RARS1: variants seen among roughly 807,000 people sequenced by gnomAD.
The protein encoded by RARS1 is arginyl-tRNA synthetase 1, also known as arginine--tRNA ligase, cytoplasmic.
RARS1 carries 75 observed loss-of-function variants against 78.7 expected under a neutral mutation model. That is an observed-to-expected ratio of 0.95 (90% confidence interval 0.79 to 1.15). The LOEUF is 1.15. Among genes scored for constraint, RARS1 ranks in the 50% most tolerant of loss-of-function variants. The probability of loss-of-function intolerance (pLI) is 0.00; values close to 1 mark genes in which losing one functional copy is unlikely to be tolerated. For missense variants in RARS1, 787 were observed against 787.5 expected (o/e 1.00, Z 0.01); for synonymous variants, 273 against 268.2 (o/e 1.02, Z -0.18).
Position 168,488,732 on chromosome 5 carries a change from G to A in RARS1, c.176G>A (p.Arg59Gln), listed in dbSNP as rs757193866. 27 of 1,602,616 alleles carry A rather than the reference G, an allele frequency of 1.7e-5. No individual in the cohort carries two copies. The highest frequency in any genetic ancestry group is 2.7e-5 in the African/African-American group (2 of 74,232). ...TTAAAGTATCGACTGAATATTCTTC[G>A]AAAGGTGAGTACTTTGGGTTCCAGT... ...LKLKYRLNILRKSLQAERNKP... is the reference protein window; with the variant it reads ...LKLKYRLNILQKSLQAERNKP... Residue 59 changes from arginine to glutamine, a missense_variant, in exon 2 of 15, where the codon CGA (arginine) becomes CAA (glutamine). Physicochemically the swap from Arg to Gln is conservative, Grantham distance 43. Coordinates refer to ENST00000231572, the MANE Select transcript of RARS1 (RefSeq NM_002887.4).
At chr5:168,498,035 C>T (rs1004036800) in intron 7 of RARS1, 3 of 151,980 alleles carry the variant, frequency 2.0e-5, no homozygotes, top group Non-Finnish European at 2.9e-5. Flanking sequence ...GGAGACCAGC[C>T]TGAGCAACAA....
At position 168,492,852 on chromosome 5, in the gene RARS1, T is replaced by C; in HGVS notation, c.369+5T>C. ...AGTGCTATGGGTATTTCTCAGGTGA[T>C]GTATTGTCATGACTCTTGGCTGTTT... On this transcript the variant is annotated splice_donor_5th_base_variant and intron_variant, in intron 3 of 14. Coordinates refer to ENST00000231572, the MANE Select transcript of RARS1 (RefSeq NM_002887.4). The C allele has an allele frequency of 3.1e-6, 5 of 1,588,782 alleles. No individual in the cohort carries two copies. The highest frequency in any genetic ancestry group is 4.3e-6 in the Non-Finnish European group (5 of 1,158,482).
intron 13 of RARS1, 132 bp downstream of exon 13, chr5:168,517,082 C>CTGAG: frequency 1.1e-6 from 1 of 917,686 alleles, no homozygotes; most frequent in Non-Finnish European, 1.6e-6. Flanking sequence ...CCTCAGCCTC[C>CTGAG]TGAGTAGCTG....
chr5:168,511,006 CAG>C (rs1401111987), intron 12 of RARS1, among the ~76,000 whole-genome samples: 4 of 152,108 alleles, frequency 2.6e-5, no homozygotes, highest in Non-Finnish European at 5.9e-5. Context: ...CAGCTCACAT[CAG>C]AGTCTACATG....
chr5:168,488,767 C>T (rs1243235247), intron 2 of RARS1, 31 bp downstream of exon 2: 1 of 1,556,848 alleles, frequency 6.4e-7, no homozygotes, highest in Non-Finnish European at 8.7e-7. Flanking sequence ...TTTTATTCTC[C>T]AGTTTGAATC....
In RARS1 at chr5:168,496,195, A is replaced by G. The variant is rs551371639; in HGVS notation, c.701+759A>G. ...AGGAGTTTGAGACCAGCCTGGCAAC[A>G]TGGTGAAACCCTGTCTCTACTAAAA... On this transcript the variant is annotated intron_variant, in intron 6 of 14. Transcript: ENST00000231572. Among the ~76,000 whole-genome samples the G allele has an allele frequency of 1.9e-3, 287 of 151,980 alleles. 2 individuals carry two copies. The highest frequency in any genetic ancestry group is 6.5e-3 in the African/African-American group (269 of 41,506).
intron 13 of RARS1, among the ~76,000 whole-genome samples, chr5:168,517,203 C>T (rs1441679507): frequency 1.3e-5 from 2 of 151,982 alleles, no homozygotes; most frequent in South Asian, 2.1e-4. Flanking sequence ...AGTGCAGTGG[C>T]GCGATCTCGG....
At position 168,517,979 on chromosome 5, in the gene RARS1, T is replaced by G. The variant is rs1191262211; in HGVS notation, c.1790T>G (p.Leu597Arg). 1 of 1,613,570 alleles carries G rather than the reference T, an allele frequency of 6.2e-7. No individual in the cohort carries two copies. Among genetic ancestry groups the G allele is most frequent in the Non-Finnish European group, 8.5e-7 (1 of 1,179,850 alleles). ...TTAGATGACTTATTTCTCCACACTC[T>G]CTGTGATTATATATATGAGCTGGCA... is the stretch of plus-strand genomic sequence containing the variant. ...KILDDLFLHT[L>R]CDYIYELATA... The change falls in exon 14 of 15, where the codon CTC becomes CGC. Residue 597 changes from leucine (L) to arginine (R), a missense_variant. By Grantham distance (102) the Leu-to-Arg change is moderately radical. Coordinates refer to ENST00000231572, the MANE Select transcript of RARS1 (RefSeq NM_002887.4).
intron 9 of RARS1, among the ~76,000 whole-genome samples, chr5:168,504,321 C>A (rs890394402): frequency 2.6e-5 from 4 of 151,382 alleles, no homozygotes; most frequent in Admixed American, 2.6e-4. Context: ...GACAGGAGAT[C>A]GAGACCATCC....
At chr5:168,503,898 C>T (rs1161940959) in intron 9 of RARS1, among the ~76,000 whole-genome samples, 1 of 151,720 alleles carries the variant, frequency 6.6e-6, no homozygotes, top group Non-Finnish European at 1.5e-5. Context: ...TAGCAGGACC[C>T]TTTCTCTGCC....
rs141440807 is a variant in RARS1 at position 168,495,437 on chromosome 5, G to A, written c.701+1G>A. The A allele has an allele frequency of 1.2e-6, 2 of 1,612,536 alleles. No individual in the cohort carries two copies. The highest frequency in any genetic ancestry group is 2.2e-5 in the East Asian group (1 of 44,826). On this transcript the variant is annotated splice_donor_variant, in intron 6 of 14. Coordinates refer to ENST00000231572, the MANE Select transcript of RARS1 (RefSeq NM_002887.4). LOFTEE classifies it high-confidence loss of function. ...AATTTGCAGGGTATGACGTGCTCAG[G>A]TATGTGCTCTTGCCTTGCGTACTAT...
chr5:168,502,361 AATAT>A (rs891831890), intron 9 of RARS1, among the ~76,000 whole-genome samples: 10 of 133,576 alleles, frequency 7.5e-5, no homozygotes, highest in African/African-American at 8.6e-5. Context: ...TATAATAACA[AATAT>A]ATATATATAT....
intron 6 of RARS1, 50 bp from the exon 7 acceptor site, chr5:168,497,178 A>G (rs746617495): frequency 7.7e-7 from 1 of 1,304,816 alleles, no homozygotes; most frequent in East Asian, 2.8e-5. Flanking sequence ...ATTTAACTTA[A>G]CCATCTTTAT....
At chr5:168,515,770 C>G (rs1214900296) in intron 12 of RARS1, among the ~76,000 whole-genome samples, 1 of 152,254 alleles carries the variant, frequency 6.6e-6, no homozygotes, top group Non-Finnish European at 1.5e-5. Flanking sequence ...CGCTGCAGAA[C>G]TGCCTTGTGT....
chr5:168,497,373 ATG>A, intron 7 of RARS1, 25 bp downstream of exon 7: 1 of 1,494,674 alleles, frequency 6.7e-7, no homozygotes, highest in African/African-American at 1.4e-5. Context: ...CTTTTATATT[ATG>A]TGTGTGTTTA....
intron 11 of RARS1, 57 bp downstream of exon 11, chr5:168,506,888 T>C: frequency 7.6e-7 from 1 of 1,318,450 alleles, no homozygotes; most frequent in Non-Finnish European, 1.1e-6. Flanking sequence ...GAGGCTACTT[T>C]TCATTTGATA....
rs1758710166 is a variant in RARS1 at position 168,518,071 on chromosome 5, C to CTTGTTTTTTTTTTTT, written c.1873+11_1873+12insGTTTTTTTTTTTTTT. 1 of 632,602 alleles carries CTTGTTTTTTTTTTTT rather than the reference C, an allele frequency of 1.6e-6. No individual in the cohort carries two copies. The highest frequency in any genetic ancestry group is 5.0e-5 in the African/African-American group (1 of 19,816). 39.2% of individuals were successfully genotyped at this position (632,602 alleles called of 1,614,324 possible). A position where few individuals can be genotyped will look rare whatever the true frequency, so the allele number is the denominator to read the frequency against. On this transcript the variant is annotated intron_variant, in intron 14 of 14. Coordinates refer to ENST00000231572, the MANE Select transcript of RARS1 (RefSeq NM_002887.4). Reference sequence around the variant, plus strand: ...GAAAGATAGACAGACTGGTGAGTGTCTTTTTTTTTTTTTTTTTTTTTTTTA... The same window carrying CTTGTTTTTTTTTTTT: ...GAAAGATAGACAGACTGGTGAGTGTCTTGTTTTTTTTTTTTTTTTTTTTTTTTTTTTTTTTTTTTA...
In RARS1 at chr5:168,488,061, TCCC is replaced by T. The variant is rs1177808217; in HGVS notation, c.46-540_46-538del. 1.2e-3 allele frequency: 286 copies of T among 232,478 alleles called. 1 individual carries two copies. Among genetic ancestry groups the T allele is most frequent in the South Asian group, 5.3e-3 (134 of 25,296 alleles). 14.4% of individuals were successfully genotyped at this position (232,478 alleles called of 1,614,324 possible). Reference sequence around the variant, plus strand: ...CTAGGGATATGAGACATGAGGCATATCCCATTATATACTTACTCCGATTCCTGT... The same window carrying T: ...CTAGGGATATGAGACATGAGGCATATATTATATACTTACTCCGATTCCTGT... On this transcript the variant is annotated intron_variant, in intron 1 of 14. Transcript: ENST00000231572.
In RARS1 at chr5:168,495,387, GGA is replaced by G. The variant is rs752319698; in HGVS notation, c.658_659del (p.Ser220TyrfsTer6). ...AGGCCACCTGAGGTCAACTATCATAGGAGAGAGTATAAGCCGCCTCTTTGAAT... is the reference window on the plus strand; with the variant it reads ...AGGCCACCTGAGGTCAACTATCATAGGAGAGTATAAGCCGCCTCTTTGAAT... ...HVGHLRSTIIGESISRLFEFA... is the reference protein window; with the variant it reads ...HVGHLRSTIIXESISRLFEFA... On this transcript the variant is annotated frameshift_variant, in exon 6 of 15. Transcript: ENST00000231572. LOFTEE classifies it high-confidence loss of function. 3.1e-6 allele frequency: 5 copies of G among 1,613,948 alleles called. No homozygotes were observed. The African/African-American group carries it at 4.0e-5, about 13-fold the overall frequency.
Sources: gnomAD v4.1 joint callset for allele counts (sites outside exome capture counted in the v4.1 genomes callset) on GRCh38, gnomAD v4.1.1 for gene constraint, MANE v1.5 for transcripts, NCBI Gene and HGNC (gene_info 2026-07-23, HGNC 2026-07-21) for gene names.